Variants in TTC7B observed in about 807,000 individuals in gnomAD.
TTC7B encodes the protein tetratricopeptide repeat protein 7B.
In TTC7B, 28 loss-of-function variants were observed where a neutral mutation model predicts 106.8. The observed-to-expected ratio is 0.26, with a 90% confidence interval of 0.19 to 0.36. The LOEUF is 0.36. TTC7B is among the 10% of genes least tolerant of loss of function. TTC7B has a pLI of 1.00. For synonymous variants in TTC7B, 405 were observed against 430.6 expected (o/e 0.94, Z 0.74); for missense variants, 862 against 1,076.4 (o/e 0.80, Z 2.79).
At chr14:90,747,350 A>G (rs922518257) in intron 3 of TTC7B, among the ~76,000 whole-genome samples, 1 of 152,218 alleles carries the variant, frequency 6.6e-6, no homozygotes, top group South Asian at 2.1e-4. Flanking sequence ...ATTCTGCCCT[A>G]TGTGCCTTTT....
Position 90,816,303 on chromosome 14 carries a change from T to C in TTC7B, c.-8A>G. Reference sequence around the variant, plus strand: ...TGCCTTCTTGGTCGCCATCGCGGCCTGGCCGGGCCCGGCCGCCCGCCCCGC... The same window carrying C: ...TGCCTTCTTGGTCGCCATCGCGGCCCGGCCGGGCCCGGCCGCCCGCCCCGC... On this transcript the variant is annotated 5_prime_UTR_variant, in exon 1 of 20. Coordinates refer to ENST00000328459, the MANE Select transcript of TTC7B (RefSeq NM_001010854.2). 3 of 1,155,620 alleles carry C rather than the reference T, an allele frequency of 2.6e-6. No individual in the cohort carries two copies. The highest frequency in any genetic ancestry group is 1.7e-5 in the South Asian group (1 of 59,456). 71.6% of individuals were successfully genotyped at this position (1,155,620 alleles called of 1,614,324 possible).
chr14:90,731,872 T>G (rs79037248), intron 4 of TTC7B, among the ~76,000 whole-genome samples: 11,999 of 152,290 alleles, frequency 0.079, 498 homozygotes, highest in East Asian at 0.16. Context: ...CATATCCAAC[T>G]GCTGCACTTG....
At chr14:90,811,132 C>T (rs1243059706) in intron 1 of TTC7B, among the ~76,000 whole-genome samples, 2 of 152,218 alleles carry the variant, frequency 1.3e-5, no homozygotes, top group Non-Finnish European at 2.9e-5. Flanking sequence ...AGCTCAGTGC[C>T]ATCAATCAGT....
At position 90,655,096 on chromosome 14, in the gene TTC7B, T is replaced by C. The variant is rs755836278; in HGVS notation, c.1356A>G (p.Glu452=). 1 of 1,613,872 alleles carries C rather than the reference T, an allele frequency of 6.2e-7. No homozygotes were observed. Residue 452 remains glutamate (E), a synonymous_variant, in exon 12 of 20, where the codon GAA becomes GAG. Coordinates refer to ENST00000328459, the MANE Select transcript of TTC7B (RefSeq NM_001010854.2). ...MGSLHWLEEA[E]KFAKTVVDVG... ...CATCAACGACAGTTTTGGCAAACTT[T>C]TCAGCCTCTTCCAACTGAAAAATGA...
chr14:90,793,589 G>GTT (rs1891662292), intron 1 of TTC7B, among the ~76,000 whole-genome samples: 2 of 144,294 alleles, frequency 1.4e-5, no homozygotes, highest in South Asian at 4.4e-4. Flanking sequence ...TCTTTTGTTT[G>GTT]TTTGTTTGTT....
At position 90,531,864 on chromosome 14, in the gene TTC7B, C is replaced by A. The variant is rs138842960; in HGVS notation, c.*9504G>T. The stretch of plus-strand genomic sequence containing the variant: ...CATTGTGTCTGAGCTCTGCCCCTTT[C>A]TTATTTAATTTTGTAGTTTTAAAAA... On this transcript the variant is annotated 3_prime_UTR_variant, in exon 20 of 20. Transcript: ENST00000328459. The A allele has an allele frequency of 6.6e-6, 1 of 152,314 alleles. No homozygotes were observed. The highest frequency in any genetic ancestry group is 2.4e-5 in the African/African-American group (1 of 41,568). 9.4% of individuals were successfully genotyped at this position (152,314 alleles called of 1,614,324 possible).
Position 90,727,753 on chromosome 14 carries a change from T to C in TTC7B, c.698+2322A>G, listed in dbSNP as rs566310477. 2.0e-5 allele frequency among the ~76,000 whole-genome samples: 3 copies of C among 152,380 alleles called. No homozygotes were observed. In the East Asian group the frequency reaches 5.8e-4, roughly 29 times the overall value. Reference sequence around the variant, plus strand: ...TGTGTTTCATCAATTCCATCTCTTATTGCCAAACTCTAGTGTATTTTCCTA... The same window carrying C: ...TGTGTTTCATCAATTCCATCTCTTACTGCCAAACTCTAGTGTATTTTCCTA... On this transcript the variant is annotated intron_variant, in intron 5 of 19. Coordinates refer to ENST00000328459, the MANE Select transcript of TTC7B (RefSeq NM_001010854.2).
chr14:90,696,644 C>T lies in TTC7B; in HGVS notation c.699-1066G>A, dbSNP rs76948100. ...AGGGCTATTAATTCGCATCTTATACCTACATGACATCCCAGGGCTCTCATG... is the reference window on the plus strand; with the variant it reads ...AGGGCTATTAATTCGCATCTTATACTTACATGACATCCCAGGGCTCTCATG... On this transcript the variant is annotated intron_variant, in intron 5 of 19. Transcript: ENST00000328459. Among the ~76,000 whole-genome samples, 224 of 152,270 alleles carry T rather than the reference C, an allele frequency of 1.5e-3. 3 individuals are homozygous for T. The East Asian group carries it at 0.031, about 21-fold the overall frequency.
intron 3 of TTC7B, among the ~76,000 whole-genome samples, chr14:90,780,207 C>A (rs1309295717): frequency 1.3e-5 from 2 of 151,894 alleles, no homozygotes; most frequent in South Asian, 2.1e-4. Context: ...CATGGAGAAA[C>A]CCCCTCTCTA....
intron 5 of TTC7B, among the ~76,000 whole-genome samples, chr14:90,728,343 A>G (rs1889192990): frequency 2.0e-5 from 3 of 148,572 alleles, no homozygotes; most frequent in Admixed American, 2.0e-4. Flanking sequence ...CCCGCAAAAA[A>G]AAAAAAAAAA....
At chr14:90,609,231 G>C (rs1892779580) in intron 17 of TTC7B, among the ~76,000 whole-genome samples, 2 of 152,204 alleles carry the variant, frequency 1.3e-5, no homozygotes. Flanking sequence ...GCCACTCCAG[G>C]GGGTGAGTTT....
In TTC7B at chr14:90,608,475, G is replaced by A. The variant is rs1418995133; in HGVS notation, c.1966+2267C>T. ...AAACCGTCTGTGGCAGTGCCTGGGA[G>A]GCTGTGGCTTCCCTGTTGTTGAGGA... On this transcript the variant is annotated intron_variant, in intron 17 of 19. Transcript: ENST00000328459. This position sits in a 1 kb window ranked among gnomAD's most constrained non-coding sequence, Gnocchi z 5.1. Among the ~76,000 whole-genome samples the A allele has an allele frequency of 6.6e-6, 1 of 152,148 alleles. No individual in the cohort carries two copies. The highest frequency in any genetic ancestry group is 1.5e-5 in the Non-Finnish European group (1 of 68,028).
intron 5 of TTC7B, among the ~76,000 whole-genome samples, chr14:90,723,858 T>C (rs1157176739): frequency 2.0e-5 from 3 of 152,182 alleles, no homozygotes; most frequent in Non-Finnish European, 4.4e-5. Context: ...GGCCAACATA[T>C]ACTAGTACTG....
chr14:90,589,118 A>G (rs1891845730), intron 18 of TTC7B, among the ~76,000 whole-genome samples: 1 of 152,216 alleles, frequency 6.6e-6, no homozygotes, highest in South Asian at 2.1e-4. Context: ...GGCGTGAGAA[A>G]GTGGACGTTA....
chr14:90,610,867 C>G (rs1275969719), intron 16 of TTC7B, 28 bp from the exon 17 acceptor site: 1 of 1,545,162 alleles, frequency 6.5e-7, no homozygotes, highest in Non-Finnish European at 9.0e-7. Flanking sequence ...AAATGTCAGT[C>G]ACCTGCAAGG....
At position 90,617,986 on chromosome 14, in the gene TTC7B, A is replaced by G. The variant is rs750368060; in HGVS notation, c.1811T>C (p.Leu604Pro). 1 of 1,614,060 alleles carries G rather than the reference A, an allele frequency of 6.2e-7. No individual in the cohort carries two copies. The highest frequency in any genetic ancestry group is 8.5e-7 in the Non-Finnish European group (1 of 1,179,904). Reference sequence around the variant, plus strand: ...TATCTGCAGCATGTGCTTACAAGTCAGCAGTGCCTCGTCCGGGCCTCGGCA... The same window carrying G: ...TATCTGCAGCATGTGCTTACAAGTCGGCAGTGCCTCGTCCGGGCCTCGGCA... ...SLCRGPDEAL[L>P]TCKHMLQIWK... Residue 604 changes from leucine to proline, a missense_variant, in exon 16 of 20, where the codon CTG becomes CCG. Transcript: ENST00000328459.
At chr14:90,560,536 A>G (rs192549765) in intron 19 of TTC7B, among the ~76,000 whole-genome samples, 1 of 152,388 alleles carries the variant, frequency 6.6e-6, no homozygotes, top group Non-Finnish European at 1.5e-5. Context: ...GGATTCAGAA[A>G]GGGAAAGGAG....
chr14:90,669,677 T>G (rs1230757729), intron 9 of TTC7B, among the ~76,000 whole-genome samples: 1 of 152,170 alleles, frequency 6.6e-6, no homozygotes, highest in Non-Finnish European at 1.5e-5. Flanking sequence ...CATAAAAAGA[T>G]GCTCAACATC....
In TTC7B at chr14:90,532,898, G is replaced by C. The variant is rs1889319455; in HGVS notation, c.*8470C>G. The C allele has an allele frequency of 6.6e-6, 1 of 152,324 alleles. No homozygotes were observed. Among genetic ancestry groups the C allele is most frequent in the Non-Finnish European group, 1.5e-5 (1 of 68,132 alleles). The allele number at this position is 152,324 out of a possible 1,614,324, so 9.4% of individuals were successfully genotyped here. A position where few individuals can be genotyped will look rare whatever the true frequency, so the allele number is the denominator to read the frequency against. On this transcript the variant is annotated 3_prime_UTR_variant, in exon 20 of 20. Coordinates refer to ENST00000328459, the MANE Select transcript of TTC7B (RefSeq NM_001010854.2). ...CCTTCCTGGGTACTGCTGAATGGCA[G>C]GCTAAGCTCAGGCTGGAAACCCTGA...
Sources: gnomAD v4.1 joint callset for allele counts (sites outside exome capture counted in the v4.1 genomes callset) on GRCh38, gnomAD v4.1.1 for gene constraint, Gnocchi (gnomAD v3.1) non-coding constraint, MANE v1.5 for transcripts, NCBI Gene and HGNC (gene_info 2026-07-23, HGNC 2026-07-21) for gene names.